The following ELL variants were observed in gnomAD, a reference collection of about 807,000 sequenced individuals.
ELL encodes elongation factor for RNA polymerase II.
ELL carries 18 observed loss-of-function variants against 64.0 expected under a neutral mutation model. The observed-to-expected ratio is 0.28, with a 90% CI of 0.19 to 0.42. The LOEUF (loss-of-function observed/expected upper bound fraction) is 0.42. Among genes scored for constraint, ELL ranks in the 10% least tolerant of loss-of-function variants. The pLI is 1.00. For missense variants in ELL, 797 were observed against 870.4 expected (o/e 0.92, Z 1.06); for synonymous variants, 399 against 376.2 (o/e 1.06, Z -0.70).
intron 1 of ELL, among the ~76,000 whole-genome samples, chr19:18,482,232 T>G (rs929246045): frequency 1.3e-5 from 2 of 149,612 alleles, no homozygotes; most frequent in Non-Finnish European, 3.0e-5. Flanking sequence ...GTTTTGAGGT[T>G]TTTTTTTTTA....
chr19:18,503,607 A>G (rs1412051009), intron 1 of ELL, among the ~76,000 whole-genome samples: 5 of 152,212 alleles, frequency 3.3e-5, no homozygotes, highest in Non-Finnish European at 5.9e-5. Flanking sequence ...AGCTCAGGGT[A>G]CGTGCAGAGC....
Position 18,461,808 on chromosome 19 carries a change from C to G in ELL, c.514G>C (p.Ala172Pro). Residue 172 changes from alanine (A) to proline (P), a missense_variant, in exon 5 of 12, where the codon GCG (alanine) becomes CCG (proline). Coordinates refer to ENST00000262809, the MANE Select transcript of ELL (RefSeq NM_006532.4). ...GTTGCCCGCTTCCGGGAGGGCACCG[C>G]GTCTGTTGCACCTGGGGCTGGTTTC... ...FRKPAPGATD[A>P]VPSRKRATPI... 1 of 1,614,068 alleles carries G rather than the reference C, an allele frequency of 6.2e-7. No homozygotes were observed. Among genetic ancestry groups the G allele is most frequent in the Non-Finnish European group, 8.5e-7 (1 of 1,179,964 alleles).
intron 1 of ELL, among the ~76,000 whole-genome samples, chr19:18,509,655 A>G (rs1346126688): frequency 8.3e-6 from 1 of 120,574 alleles, no homozygotes; most frequent in Admixed American, 7.8e-5. Flanking sequence ...ACACACACAC[A>G]CACTCCCCTC....
intron 1 of ELL, among the ~76,000 whole-genome samples, chr19:18,482,609 C>T (rs529439390): frequency 7.2e-5 from 11 of 152,170 alleles, no homozygotes; most frequent in South Asian, 6.2e-4. Flanking sequence ...GGATTACAGG[C>T]GTGAGCCACT....
intron 1 of ELL, among the ~76,000 whole-genome samples, chr19:18,509,482 C>A (rs569000412): frequency 1.3e-5 from 2 of 152,254 alleles, no homozygotes; most frequent in East Asian, 3.9e-4. Flanking sequence ...CCACCCGGCC[C>A]CTTGGCCCAC....
chr19:18,465,141 C>T (rs1046829514), intron 4 of ELL, among the ~76,000 whole-genome samples: 3 of 152,236 alleles, frequency 2.0e-5, no homozygotes, highest in African/African-American at 7.2e-5. Context: ...CTGGAGTTCT[C>T]AGGCCCCTTT....
At chr19:18,463,760 C>G (rs916942860) in intron 4 of ELL, among the ~76,000 whole-genome samples, 1 of 151,520 alleles carries the variant, frequency 6.6e-6, no homozygotes, top group Admixed American at 6.6e-5. Context: ...GGGCGGATTA[C>G]GAGGTCAGGA....
intron 8 of ELL, among the ~76,000 whole-genome samples, chr19:18,447,350 G>T (rs567674196): frequency 6.6e-6 from 1 of 152,342 alleles, no homozygotes; most frequent in African/African-American, 2.4e-5. Flanking sequence ...AAAGTTCCAC[G>T]CCCTTGGTCT....
intron 6 of ELL, among the ~76,000 whole-genome samples, chr19:18,452,114 T>C (rs1202477166): frequency 2.0e-5 from 3 of 152,152 alleles, no homozygotes; most frequent in African/African-American, 7.2e-5. Flanking sequence ...GTGATGCAGC[T>C]GGGGAAGAAG....
intron 8 of ELL, among the ~76,000 whole-genome samples, chr19:18,450,245 C>G (rs1164602448): frequency 6.6e-6 from 1 of 152,268 alleles, no homozygotes; most frequent in Non-Finnish European, 1.5e-5. Context: ...GCTGGCCTGG[C>G]ACATTGACTG....
chr19:18,492,268 C>T (rs566108470), intron 1 of ELL, among the ~76,000 whole-genome samples: 116 of 152,334 alleles, frequency 7.6e-4, no homozygotes, highest in African/African-American at 2.5e-3. Context: ...GGTGACGCTG[C>T]TTACAGAGGT....
In ELL at chr19:18,445,257, C is replaced by A; in HGVS notation, c.1716G>T (p.Gly572=). 3 of 1,613,992 alleles carry A rather than the reference C, an allele frequency of 1.9e-6. No individual in the cohort carries two copies. The highest frequency in any genetic ancestry group is 2.5e-6 in the Non-Finnish European group (3 of 1,180,008). ...QGSEEYETTR[G]QILQEYRKIK... ...TTTTTCGATATTCCTGCAAAATCTG[C>A]CCTCGAGTAGTCTAGAAGAAAAACA... Residue 572 remains glycine (G), a synonymous_variant, in exon 11 of 12, where the codon GGG becomes GGT. Coordinates refer to ENST00000262809, the MANE Select transcript of ELL (RefSeq NM_006532.4).
chr19:18,461,881 C>A, intron 4 of ELL, 29 bp from the exon 5 acceptor site: 1 of 1,596,228 alleles, frequency 6.3e-7, no homozygotes, highest in South Asian at 1.1e-5. Flanking sequence ...CTTTAGGGAA[C>A]AGAGAGGGCG....
At chr19:18,486,769 A>G (rs1975427417) in intron 1 of ELL, among the ~76,000 whole-genome samples, 2 of 152,198 alleles carry the variant, frequency 1.3e-5, no homozygotes, top group African/African-American at 4.8e-5. Flanking sequence ...GGATGCCAAG[A>G]GAATCTGGCA....
chr19:18,503,232 G>C (rs768569708), intron 1 of ELL, among the ~76,000 whole-genome samples: 1 of 152,232 alleles, frequency 6.6e-6, no homozygotes, highest in Admixed American at 6.5e-5. Flanking sequence ...TCAGGGCCGC[G>C]GGTATCTTTA....
At chr19:18,451,963 C>T (rs540734647) in intron 6 of ELL, among the ~76,000 whole-genome samples, 17 of 152,332 alleles carry the variant, frequency 1.1e-4, no homozygotes, top group Middle Eastern at 6.8e-3. Flanking sequence ...AGCTGTTCAT[C>T]CTGTTCAGAA....
intron 1 of ELL, among the ~76,000 whole-genome samples, chr19:18,479,708 C>CAAAAAAAAAAA (rs60371809): frequency 1.4e-5 from 1 of 72,834 alleles, no homozygotes; most frequent in African/African-American, 5.4e-5. Flanking sequence ...GACTCCATCT[C>CAAAAAAAAAAA]AAAAAAAAAA....
At chr19:18,513,224 G>T (rs1226926434) in intron 1 of ELL, among the ~76,000 whole-genome samples, 1 of 152,182 alleles carries the variant, frequency 6.6e-6, no homozygotes, top group Non-Finnish European at 1.5e-5. Context: ...GGCCTGTGCT[G>T]GGTCACCTGC....
At chr19:18,484,447 A>AGAGT (rs1000584627) in intron 1 of ELL, among the ~76,000 whole-genome samples, 23 of 152,318 alleles carry the variant, frequency 1.5e-4, no homozygotes, top group African/African-American at 5.3e-4. Context: ...CCTGGGCAAC[A>AGAGT]GAGTGAGACT....
Sources: gnomAD v4.1 joint callset for allele counts (sites outside exome capture counted in the v4.1 genomes callset) on GRCh38, gnomAD v4.1.1 for gene constraint, MANE v1.5 for transcripts, NCBI Gene and HGNC (gene_info 2026-07-23, HGNC 2026-07-21) for gene names.